CLUAP1: variants seen among roughly 807,000 people sequenced by gnomAD.
CLUAP1 encodes clusterin-associated protein 1.
In CLUAP1, 50 loss-of-function variants were observed where a neutral mutation model predicts 55.0. The ratio of observed to expected loss-of-function variants is 0.91; its 90% CI spans 0.72 to 1.15. CLUAP1 has a LOEUF of 1.15. CLUAP1 is among the 50% of genes most tolerant of loss of function. The pLI is 0.00. For synonymous variants in CLUAP1, 195 were observed against 175.4 expected, an observed-to-expected ratio of 1.11 and a Z score of -0.88; for missense variants, 530 against 507.6, an observed-to-expected ratio of 1.04 and a Z score of -0.42.
chr16:3,502,442 T>TAAA (rs74268721), intron 1 of CLUAP1, among the ~76,000 whole-genome samples: 3 of 129,978 alleles, frequency 2.3e-5, no homozygotes, highest in Non-Finnish European at 3.3e-5. Context: ...AGACTGTCTT[T>TAAA]AAAAAAAAAA....
upstream of CLUAP1, chr16:3,496,165 C>A (rs2037306427): frequency 4.3e-6 from 2 of 462,826 alleles, no homozygotes; most frequent in Non-Finnish European, 8.2e-6. Context: ...GTTAAACATT[C>A]ATCTTTCCGG....
At chr16:3,529,861 ATATAATT>A (rs1410368718) in intron 9 of CLUAP1, among the ~76,000 whole-genome samples, 1 of 67,056 alleles carries the variant, frequency 1.5e-5, no homozygotes, top group Non-Finnish European at 2.7e-5. Flanking sequence ...ATATTTTATA[ATATAATT>A]TATAATTTAT....
At chr16:3,530,697 G>T in intron 10 of CLUAP1, 22 bp downstream of exon 10, 1 of 1,591,092 alleles carries the variant, frequency 6.3e-7, no homozygotes, top group Non-Finnish European at 8.6e-7. Context: ...TCTTTCGCTG[G>T]ACTTCCTCCC....
chr16:3,531,926 C>T (rs987292695), intron 10 of CLUAP1, among the ~76,000 whole-genome samples: 5 of 151,890 alleles, frequency 3.3e-5, no homozygotes, highest in Non-Finnish European at 7.4e-5. Context: ...CTCACTGCAA[C>T]CTCTGCTTCC....
intron 9 of CLUAP1, among the ~76,000 whole-genome samples, chr16:3,529,758 A>ATATATAT (rs2038063738): frequency 2.1e-5 from 1 of 47,412 alleles, no homozygotes; most frequent in Admixed American, 4.0e-4. Flanking sequence ...ATATTATATA[A>ATATATAT]TATATATTAT....
chr16:3,501,193 G>C (rs1204918836), intron 1 of CLUAP1, 104 bp downstream of exon 1: 3 of 1,277,444 alleles, frequency 2.3e-6, no homozygotes, highest in Middle Eastern at 2.6e-4. Flanking sequence ...TGCGCTGCCG[G>C]AGGCTCCTTT....
intron 6 of CLUAP1, 112 bp from the exon 7 acceptor site, chr16:3,519,791 T>C (rs2037798215): frequency 1.9e-6 from 2 of 1,062,718 alleles, no homozygotes; most frequent in South Asian, 2.1e-5. Context: ...TTGTTTGCTT[T>C]TGTGTTTGTT....
At chr16:3,505,204 C>G (rs990622097) in intron 2 of CLUAP1, among the ~76,000 whole-genome samples, 4 of 152,072 alleles carry the variant, frequency 2.6e-5, no homozygotes, top group Admixed American at 6.6e-5. Context: ...TGCTATTGCA[C>G]ACCAGCCCGG....
chr16:3,496,647 T>C (rs2037314757), upstream of CLUAP1: 12 of 533,236 alleles, frequency 2.3e-5, no homozygotes, highest in South Asian at 1.7e-4. Flanking sequence ...GGCCGACAGG[T>C]GTACCGGCAT....
intron 5 of CLUAP1, among the ~76,000 whole-genome samples, chr16:3,514,038 A>T (rs542604289): frequency 4.6e-5 from 7 of 152,166 alleles, no homozygotes; most frequent in African/African-American, 1.4e-4. Context: ...GCAGAATGAA[A>T]CTGCCACTGA....
At chr16:3,503,001 T>G (rs1287385890) in intron 1 of CLUAP1, among the ~76,000 whole-genome samples, 2 of 152,142 alleles carry the variant, frequency 1.3e-5, no homozygotes, top group African/African-American at 4.8e-5. Context: ...GTTCTTTTTT[T>G]GAGACAGTCT....
At chr16:3,533,749 G>T (rs2038175969) in intron 11 of CLUAP1, 1 of 154,440 alleles carries the variant, frequency 6.5e-6, no homozygotes, top group Non-Finnish European at 1.4e-5. Flanking sequence ...AATTTACAGG[G>T]CACAGTCTGT....
In CLUAP1 at chr16:3,502,497, C is replaced by A. The variant is rs563201234; in HGVS notation, c.22+1408C>A. 1.5e-4 allele frequency among the ~76,000 whole-genome samples: 22 copies of A among 150,778 alleles called. No homozygotes were observed. In the East Asian group the frequency reaches 3.7e-3, roughly 25 times the overall value. On this transcript the variant is annotated intron_variant, in intron 1 of 11. Coordinates refer to ENST00000576634, the MANE Select transcript of CLUAP1 (RefSeq NM_015041.3). The stretch of plus-strand genomic sequence containing the variant: ...TGATGATTGCCAATTTGGTGTGATC[C>A]GAGGGGTCTCTTAAAGCCAGTTTTC...
chr16:3,536,301 A>C lies in CLUAP1; in HGVS notation c.*30A>C, dbSNP rs201924645. On this transcript the variant is annotated 3_prime_UTR_variant, in exon 12 of 12. Transcript: ENST00000576634. ...TTTGCCAAGGGACCCTGGCAGATTA[A>C]AACCCTCAGACTTGTAGGTAAATGG... The C allele has an allele frequency of 1.6e-4, 256 of 1,609,720 alleles. 1 individual carries two copies. The African/African-American group carries it at 2.7e-3, about 17-fold the overall frequency.
chr16:3,533,385 G>C, intron 11 of CLUAP1: 1 of 547,996 alleles, frequency 1.8e-6, no homozygotes, highest in East Asian at 3.0e-5. Context: ...TCAGGCCCTG[G>C]GCCGCCACCT....
chr16:3,514,731 A>G (rs1348501136), intron 5 of CLUAP1, among the ~76,000 whole-genome samples: 6 of 152,246 alleles, frequency 3.9e-5, no homozygotes, highest in Admixed American at 3.9e-4. Context: ...ACATGGCAGC[A>G]GGGGTGAGGG....
intron 4 of CLUAP1, among the ~76,000 whole-genome samples, 174 bp from the exon 5 acceptor site, chr16:3,512,209 G>A (rs919665002): frequency 6.6e-6 from 1 of 150,920 alleles, no homozygotes; most frequent in Non-Finnish European, 1.5e-5. Context: ...AAAAAAATCT[G>A]TGGCTGGCTG....
chr16:3,509,776 C>A (rs556799727), intron 4 of CLUAP1: 6 of 152,400 alleles, frequency 3.9e-5, no homozygotes, highest in African/African-American at 1.4e-4. Context: ...CTAGGTGAGG[C>A]CTTGTCATGG....
At chr16:3,502,432 A>G in intron 1 of CLUAP1, among the ~76,000 whole-genome samples, 1 of 144,902 alleles carries the variant, frequency 6.9e-6, no homozygotes, top group East Asian at 2.1e-4. Flanking sequence ...CGACAGAGTG[A>G]GACTGTCTTT....
Sources: allele counts gnomAD v4.1 joint callset (sites outside exome capture counted in the v4.1 genomes callset), GRCh38; gene constraint gnomAD v4.1.1; transcripts MANE v1.5; gene names NCBI Gene and HGNC (gene_info 2026-07-23, HGNC 2026-07-21).